The following TFRC variants were observed in gnomAD, a reference collection of about 807,000 sequenced individuals.
TFRC encodes the protein transferrin receptor.
Under a neutral mutation model 85.8 loss-of-function variants are expected in TFRC, and 35 were observed. The ratio of observed to expected loss-of-function variants is 0.41; its 90% CI spans 0.31 to 0.54. TFRC has a LOEUF of 0.54. Ranked by LOEUF, TFRC falls within the 20% of genes least tolerant of loss-of-function variation. TFRC has a pLI of 0.31. For missense variants in TFRC, 828 were observed against 921.5 expected (o/e 0.90, Z 1.31); for synonymous variants, 362 against 328.6 (o/e 1.10, Z -1.10).
chr3:196,064,746 C>A (rs34830025), intron 10 of TFRC, among the ~76,000 whole-genome samples: 2 of 152,168 alleles, frequency 1.3e-5, no homozygotes, highest in African/African-American at 2.4e-5. Context: ...AACTACAGCC[C>A]GCATGCCCAT....
intron 3 of TFRC, chr3:196,074,532 A>T (rs1718493071): frequency 1.3e-5 from 2 of 159,708 alleles, no homozygotes; most frequent in African/African-American, 4.8e-5. Flanking sequence ...CAACCAGATT[A>T]AATTCAATGA....
chr3:196,051,288 G>T lies in TFRC; in HGVS notation c.*654C>A, dbSNP rs937373723. On this transcript the variant is annotated 3_prime_UTR_variant, in exon 19 of 19. Coordinates refer to ENST00000360110, the MANE Select transcript of TFRC (RefSeq NM_001128148.3). ...GGAAAAGAAAATATACTAAGTCTTT[G>T]GCTTCTGGTCCCCTCTTTTCATAAA... is the stretch of plus-strand genomic sequence containing the variant. 4 of 220,358 alleles carry T rather than the reference G, an allele frequency of 1.8e-5. No individual in the cohort carries two copies. The highest frequency in any genetic ancestry group is 4.5e-5 in the African/African-American group (2 of 44,620). 13.7% of individuals were successfully genotyped at this position (220,358 alleles called of 1,614,324 possible).
chr3:196,073,948 T>C lies in TFRC; in HGVS notation c.416A>G (p.Asp139Gly). The C allele has an allele frequency of 6.2e-7, 1 of 1,613,986 alleles. No homozygotes were observed. Among genetic ancestry groups the C allele is most frequent in the Non-Finnish European group, 8.5e-7 (1 of 1,179,936 alleles). ...RKLSEKLDSTDFTGTIKLLNE... is the reference protein window; with the variant it reads ...RKLSEKLDSTGFTGTIKLLNE... ...CACTCACTTGATGGTGCCGGTGAAG[T>C]CTGTGCTGTCCAGTTTCTCCGACAA... Residue 139 changes from aspartate (D) to glycine (G), a missense_variant, in exon 4 of 19, where the codon GAC becomes GGC. Transcript: ENST00000360110.
In TFRC at chr3:196,065,602, T is replaced by C; in HGVS notation, c.1041-2A>G. 1 of 1,597,708 alleles carries C rather than the reference T, an allele frequency of 6.3e-7. No individual in the cohort carries two copies. The highest frequency in any genetic ancestry group is 8.5e-7 in the Non-Finnish European group (1 of 1,175,892). On this transcript the variant is annotated splice_acceptor_variant, in intron 9 of 18. Coordinates refer to ENST00000360110, the MANE Select transcript of TFRC (RefSeq NM_001128148.3). LOFTEE classifies it high-confidence loss of function. ...GAGGGACAGTCTCCTTCCATATTCC[T>C]AGAATCAGAAAGCAGGCGTAAGTTC...
In TFRC at chr3:196,050,504, A is replaced by C. The variant is rs543049397; in HGVS notation, c.*1438T>G. The C allele has an allele frequency of 6.3e-4, 129 of 204,254 alleles. No individual in the cohort carries two copies. Among genetic ancestry groups the C allele is most frequent in the Non-Finnish European group, 1.1e-3 (105 of 99,242 alleles). 12.7% of individuals were successfully genotyped at this position (204,254 alleles called of 1,614,324 possible). A position where few individuals can be genotyped will look rare whatever the true frequency, so the allele number is the denominator to read the frequency against. Reference sequence around the variant, plus strand: ...GTTCCCGATAATTACTTACACCCTTAGTGTAACATATGGAGATCACTGTCT... The same window carrying C: ...GTTCCCGATAATTACTTACACCCTTCGTGTAACATATGGAGATCACTGTCT... On this transcript the variant is annotated 3_prime_UTR_variant, in exon 19 of 19. Transcript: ENST00000360110.
chr3:196,065,120 G>C (rs928698000), intron 10 of TFRC, among the ~76,000 whole-genome samples: 7 of 152,042 alleles, frequency 4.6e-5, no homozygotes, highest in Non-Finnish European at 7.4e-5. Flanking sequence ...AAATTAGCCA[G>C]GCGTGGTGGC....
In TFRC at chr3:196,052,299, T is replaced by G. The variant is rs902896754; in HGVS notation, c.2041-115A>C. 1.0e-5 allele frequency: 11 copies of G among 1,059,202 alleles called. No individual in the cohort carries two copies. The African/African-American group carries it at 1.6e-4, about 16-fold the overall frequency. The allele number at this position is 1,059,202 out of a possible 1,614,324, so 65.6% of individuals were successfully genotyped here. A position where few individuals can be genotyped will look rare whatever the true frequency, so the allele number is the denominator to read the frequency against. Reference sequence around the variant, plus strand: ...TTAAGAATGCCGATCAGACTTTTTTTTTTTTTTTTTTTTTTTGACACAGAG... The same window carrying G: ...TTAAGAATGCCGATCAGACTTTTTTGTTTTTTTTTTTTTTTTGACACAGAG... On this transcript the variant is annotated intron_variant, in intron 18 of 18. Coordinates refer to ENST00000360110, the MANE Select transcript of TFRC (RefSeq NM_001128148.3).
Position 196,071,509 on chromosome 3 carries a change from G to T in TFRC, c.585-11C>A, listed in dbSNP as rs1481455901. 1 of 1,612,806 alleles carries T rather than the reference G, an allele frequency of 6.2e-7. No homozygotes were observed. The highest frequency in any genetic ancestry group is 2.2e-5 in the East Asian group (1 of 44,868). ...ACCGAGTTTTGAGCGCTGTTAAAAAGATTAAGTTAAAATAAGCCTAAGGTC... is the reference window on the plus strand; with the variant it reads ...ACCGAGTTTTGAGCGCTGTTAAAAATATTAAGTTAAAATAAGCCTAAGGTC... On this transcript the variant is annotated splice_polypyrimidine_tract_variant and intron_variant, in intron 5 of 18. Coordinates refer to ENST00000360110, the MANE Select transcript of TFRC (RefSeq NM_001128148.3).
chr3:196,079,082 G>A (rs138963064), intron 1 of TFRC, among the ~76,000 whole-genome samples: 221 of 152,212 alleles, frequency 1.5e-3, no homozygotes, highest in East Asian at 0.012. Flanking sequence ...GAAATCGAAG[G>A]CGTGAGCCAC....
intron 18 of TFRC, 107 bp from the exon 19 acceptor site, chr3:196,052,291 A>AATT: frequency 6.8e-6 from 6 of 883,418 alleles, no homozygotes; most frequent in Non-Finnish European, 9.7e-6. Flanking sequence ...TGCCGATCAG[A>AATT]CTTTTTTTTT....
chr3:196,055,353 C>T, intron 16 of TFRC, 52 bp from the exon 17 acceptor site: 4 of 1,495,992 alleles, frequency 2.7e-6, no homozygotes, highest in Non-Finnish European at 3.7e-6. Context: ...AGAGCAAGAG[C>T]CTCACATTCT....
intron 4 of TFRC, 93 bp downstream of exon 4, chr3:196,073,837 C>T (rs1577249712): frequency 3.8e-6 from 5 of 1,306,028 alleles, no homozygotes; most frequent in Non-Finnish European, 5.2e-6. Context: ...TCTAACAAGC[C>T]ATTCCCCACA....
intron 10 of TFRC, among the ~76,000 whole-genome samples, chr3:196,064,763 C>T (rs1422006734): frequency 1.3e-5 from 2 of 152,216 alleles, no homozygotes; most frequent in African/African-American, 2.4e-5. Context: ...CCATTCACTA[C>T]GCACAGTCTG....
intron 3 of TFRC, 100 bp downstream of exon 3, chr3:196,075,059 A>AAAG: frequency 1.4e-6 from 1 of 698,206 alleles, no homozygotes. Context: ...AAAAAAAAAA[A>AAAG]AAAAAAATAA....
intron 6 of TFRC, among the ~76,000 whole-genome samples, chr3:196,071,122 T>C (rs1463486141): frequency 3.3e-5 from 5 of 152,180 alleles, no homozygotes; most frequent in African/African-American, 1.2e-4. Context: ...AACTAACCCA[T>C]GATTCTTCAT....
At chr3:196,080,400 G>C (rs1287424675) in intron 1 of TFRC, among the ~76,000 whole-genome samples, 1 of 151,956 alleles carries the variant, frequency 6.6e-6, no homozygotes, top group East Asian at 1.9e-4. Context: ...CACCATGCCC[G>C]GCTAATTTTT....
At position 196,051,959 on chromosome 3, in the gene TFRC, T is replaced by A. The variant is rs1388175894; in HGVS notation, c.2266A>T (p.Ile756Phe). The A allele has an allele frequency of 1.2e-6, 2 of 1,614,174 alleles. No individual in the cohort carries two copies. The highest frequency in any genetic ancestry group is 1.7e-5 in the Admixed American group (1 of 60,016). ...ANALSGDVWD[I>F]DNEF ...TATCACATTTAAAACTCATTGTCAATGTCCCAAACGTCACCAGAGAGGGCA... is the reference window on the plus strand; with the variant it reads ...TATCACATTTAAAACTCATTGTCAAAGTCCCAAACGTCACCAGAGAGGGCA... The change falls in exon 19 of 19, where the codon ATT becomes TTT. Residue 756 changes from isoleucine (I) to phenylalanine (F), a missense_variant. Transcript: ENST00000360110.
At chr3:196,069,082 T>G (rs1183239478) in intron 7 of TFRC, among the ~76,000 whole-genome samples, 1 of 152,086 alleles carries the variant, frequency 6.6e-6, no homozygotes, top group Admixed American at 6.6e-5. Flanking sequence ...TCCTAAAGTG[T>G]TGGGATTACA....
At chr3:196,056,893 C>T (rs1716840351) in intron 16 of TFRC, among the ~76,000 whole-genome samples, 1 of 152,100 alleles carries the variant, frequency 6.6e-6, no homozygotes, top group Non-Finnish European at 1.5e-5. Flanking sequence ...TCCATCTCAG[C>T]TCACTGCAAC....
Sources: gnomAD v4.1 joint callset for allele counts (sites outside exome capture counted in the v4.1 genomes callset) on GRCh38, gnomAD v4.1.1 for gene constraint, MANE v1.5 for transcripts, NCBI Gene and HGNC (gene_info 2026-07-23, HGNC 2026-07-21) for gene names.